The following VPS41 variants were observed in gnomAD, a reference collection of about 807,000 sequenced individuals.
VPS41 encodes vacuolar protein sorting-associated protein 41 homolog.
A neutral mutation model predicts 130.9 loss-of-function variants in VPS41; 85 were observed. That is an observed-to-expected ratio of 0.65 (90% CI 0.55 to 0.78). The LOEUF (loss-of-function observed/expected upper bound fraction) is 0.78, where lower values mean the gene tolerates loss of function less well. Among genes scored for constraint, VPS41 ranks in the 30% least tolerant of loss-of-function variants. The pLI, the probability that VPS41 is intolerant of heterozygous loss-of-function variation, is 0.00. For synonymous variants in VPS41, 335 were observed against 332.9 expected, an observed-to-expected ratio of 1.01 and a Z score of -0.07; for missense variants, 874 against 1,018.7, an observed-to-expected ratio of 0.86 and a Z score of 1.93.
chr7:38,765,901 GA>G (rs1784033882), intron 15 of VPS41: 5 of 388,464 alleles, frequency 1.3e-5, no homozygotes, highest in Non-Finnish European at 2.3e-5. Context: ...AAATAAAGAT[GA>G]ATCACTTCAG....
rs1394771561 is a variant in VPS41 at position 38,771,095 on chromosome 7, T to C, written c.1185+103A>G. 3 of 841,176 alleles carry C rather than the reference T, an allele frequency of 3.6e-6. No individual in the cohort carries two copies. In the African/African-American group the frequency reaches 5.2e-5, roughly 15 times the overall value. The allele number at this position is 841,176 out of a possible 1,614,324, so 52.1% of individuals were successfully genotyped here. ...GTTAGGGAATTAGTTTAAAATAAAT[T>C]CTCAAAAGATAGGAAAAACCTGTTC... On this transcript the variant is annotated intron_variant, in intron 14 of 28. Coordinates refer to ENST00000310301, the MANE Select transcript of VPS41 (RefSeq NM_014396.4).
In VPS41 at chr7:38,754,613, C is replaced by A. The variant is rs115651571; in HGVS notation, c.1788+89G>T. Reference sequence around the variant, plus strand: ...GGAATATTAACCTCCTTGAAGAATTCACTCCAGTATCCTCCTCGCACCAAT... The same window carrying A: ...GGAATATTAACCTCCTTGAAGAATTAACTCCAGTATCCTCCTCGCACCAAT... On this transcript the variant is annotated intron_variant, in intron 21 of 28. Transcript: ENST00000310301. 1,135 of 1,059,546 alleles carry A rather than the reference C, an allele frequency of 1.1e-3. 9 individuals are homozygous for A. In the African/African-American group the frequency reaches 0.015, roughly 14 times the overall value. The allele number at this position is 1,059,546 out of a possible 1,614,324, so 65.6% of individuals were successfully genotyped here.
intron 22 of VPS41, among the ~76,000 whole-genome samples, chr7:38,748,999 C>T (rs1448830289): frequency 1.3e-5 from 2 of 151,982 alleles, no homozygotes; most frequent in Admixed American, 1.3e-4. Context: ...TTATAAAGCA[C>T]AAAAGAAATA....
chr7:38,841,048 A>T (rs990878211), intron 4 of VPS41, among the ~76,000 whole-genome samples: 3 of 152,228 alleles, frequency 2.0e-5, no homozygotes, highest in African/African-American at 7.2e-5. Flanking sequence ...TTTAAAACCA[A>T]GTTAAAATAT....
At chr7:38,879,876 C>T (rs1319792077) in intron 2 of VPS41, among the ~76,000 whole-genome samples, 1 of 132,684 alleles carries the variant, frequency 7.5e-6, no homozygotes, top group East Asian at 2.2e-4. Context: ...ATAAAGGTCA[C>T]TAATGTCATT....
At chr7:38,867,527 A>G (rs112389289) in intron 3 of VPS41, among the ~76,000 whole-genome samples, 38,914 of 151,474 alleles carry the variant, frequency 0.26, 6,405 homozygotes, top group Non-Finnish European at 0.38. Flanking sequence ...CCTGGGCAAC[A>G]AGAGTGAGAC....
At chr7:38,900,462 T>C (rs1322252171) in intron 1 of VPS41, among the ~76,000 whole-genome samples, 2 of 151,966 alleles carry the variant, frequency 1.3e-5, no homozygotes, top group Admixed American at 6.6e-5. Flanking sequence ...CAGGTGACAG[T>C]GACACTAAAA....
At chr7:38,767,900 T>C (rs1221240873) in intron 14 of VPS41, among the ~76,000 whole-genome samples, 1 of 152,160 alleles carries the variant, frequency 6.6e-6, no homozygotes, top group East Asian at 1.9e-4. Context: ...AAAGGAGGTA[T>C]TCGATATTAG....
intron 25 of VPS41, among the ~76,000 whole-genome samples, chr7:38,735,550 G>A (rs945970960): frequency 1.3e-5 from 2 of 152,042 alleles, no homozygotes; most frequent in African/African-American, 4.8e-5. Context: ...TGTGTATGGT[G>A]TGCGTAGTTT....
At chr7:38,743,090 C>T (rs1449749057) in intron 24 of VPS41, among the ~76,000 whole-genome samples, 3 of 150,858 alleles carry the variant, frequency 2.0e-5, no homozygotes, top group Admixed American at 6.6e-5. Flanking sequence ...AAAAAAACCA[C>T]ACCAACACAA....
At position 38,743,527 on chromosome 7, in the gene VPS41, C is replaced by T. The variant is rs1027061440; in HGVS notation, c.1997G>A (p.Ser666Asn). 3.7e-6 allele frequency: 6 copies of T among 1,613,634 alleles called. No homozygotes were observed. In the East Asian group the frequency reaches 1.3e-4, roughly 36 times the overall value. The stretch of plus-strand genomic sequence containing the variant: ...CATAATCATCTTCAGGGCACTTCGG[C>T]TATTACCCATTCGGCCTTGGTGGGG... Reference protein sequence around the residue: ...TVYLLSRMGNSRSALKMIMEE... With the variant: ...TVYLLSRMGNNRSALKMIMEE... The change falls in exon 24 of 29, where the codon AGC (serine) becomes AAC (asparagine). Residue 666 changes from serine (S) to asparagine (N), a missense_variant. By Grantham distance (46) the Ser-to-Asn change is conservative (BLOSUM62 1). Transcript: ENST00000310301.
Position 38,743,506 on chromosome 7 carries a change from A to C in VPS41, c.2018T>G (p.Ile673Ser). The change falls in exon 24 of 29, where the codon ATT (isoleucine) becomes AGT (serine). Residue 673 changes from isoleucine to serine, a missense_variant. Transcript: ENST00000310301. ...MGNSRSALKM[I>S]MEELHDVDKA... ...ATCAACATCATGTAATTCCTCCATA[A>C]TCATCTTCAGGGCACTTCGGCTATT... The C allele has an allele frequency of 6.2e-7, 1 of 1,613,874 alleles. No individual in the cohort carries two copies. The highest frequency in any genetic ancestry group is 8.5e-7 in the Non-Finnish European group (1 of 1,179,848).
chr7:38,797,114 C>A (rs921291729), intron 7 of VPS41: 1 of 334,374 alleles, frequency 3.0e-6, no homozygotes, highest in African/African-American at 2.0e-5. Flanking sequence ...CAAGGTGGCA[C>A]CAAAACACCA....
At position 38,746,710 on chromosome 7, in the gene VPS41, C is replaced by T. The variant is rs1479350300; in HGVS notation, c.1927-1097G>A. Reference sequence around the variant, plus strand: ...CTGCCTACAAAACTTTCTATTGCATCGCTCCACTCAGACTTAAAGCTGAGA... The same window carrying T: ...CTGCCTACAAAACTTTCTATTGCATTGCTCCACTCAGACTTAAAGCTGAGA... On this transcript the variant is annotated intron_variant, in intron 22 of 28. Transcript: ENST00000310301. Among the ~76,000 whole-genome samples, 8 of 151,990 alleles carry T rather than the reference C, an allele frequency of 5.3e-5. No individual in the cohort carries two copies. The South Asian group carries it at 1.7e-3, about 32-fold the overall frequency.
intron 7 of VPS41, among the ~76,000 whole-genome samples, chr7:38,806,415 T>C (rs181324087): frequency 2.8e-4 from 43 of 152,248 alleles, no homozygotes; most frequent in African/African-American, 2.4e-5. Context: ...AATAGATCCA[T>C]AAGATAGAAT....
intron 5 of VPS41, among the ~76,000 whole-genome samples, chr7:38,828,933 C>T (rs964386393): frequency 6.6e-6 from 1 of 152,076 alleles, no homozygotes; most frequent in African/African-American, 2.4e-5. Flanking sequence ...AGTAAAAATT[C>T]GTTTCCAATT....
At position 38,902,677 on chromosome 7, in the gene VPS41, C is replaced by A. The variant is rs570831054; in HGVS notation, c.22-4548G>T. Among the ~76,000 whole-genome samples the A allele has an allele frequency of 9.9e-4, 151 of 152,294 alleles. 1 individual carries two copies. The highest frequency in any genetic ancestry group is 3.6e-3 in the African/African-American group (149 of 41,558). ...CCTGCCTGAGTTTGTGCTGCCTGCT[C>A]TGCACTTTCCTCATGTCACTCCCTC... On this transcript the variant is annotated intron_variant, in intron 1 of 28. Coordinates refer to ENST00000310301, the MANE Select transcript of VPS41 (RefSeq NM_014396.4).
chr7:38,797,051 C>G (rs1225020146), intron 7 of VPS41, 187 bp from the exon 8 acceptor site: 1 of 649,000 alleles, frequency 1.5e-6, no homozygotes, highest in Non-Finnish European at 2.5e-6. Context: ...CATATTCTCC[C>G]CAGGAAGTTG....
chr7:38,862,575 G>C lies in VPS41; in HGVS notation c.216C>G (p.Val72=), dbSNP rs1786140616. ...THYGKVYLLD[V]QGNITQKFDV... Reference sequence around the variant, plus strand: ...CAAACTTCTGAGTGATGTTCCCCTGGACATCAAGTAAATAAACCTTGCCAT... The same window carrying C: ...CAAACTTCTGAGTGATGTTCCCCTGCACATCAAGTAAATAAACCTTGCCAT... The change falls in exon 4 of 29, where the codon GTC becomes GTG. Residue 72 remains valine, a synonymous_variant. Transcript: ENST00000310301. 1 of 1,608,110 alleles carries C rather than the reference G, an allele frequency of 6.2e-7. No individual in the cohort carries two copies. The highest frequency in any genetic ancestry group is 8.5e-7 in the Non-Finnish European group (1 of 1,176,640).
Sources: gnomAD v4.1 joint callset for allele counts (sites outside exome capture counted in the v4.1 genomes callset) on GRCh38, gnomAD v4.1.1 for gene constraint, MANE v1.5 for transcripts, NCBI Gene and HGNC (gene_info 2026-07-23, HGNC 2026-07-21) for gene names.